The following ERBIN variants were observed in gnomAD, a reference collection of about 807,000 sequenced individuals.
ERBIN encodes the protein densin-180-like protein.
Under a neutral mutation model 158.4 loss-of-function variants are expected in ERBIN, and 60 were observed. That is an observed-to-expected ratio of 0.38 (90% CI 0.31 to 0.47). ERBIN has a LOEUF of 0.47. ERBIN is among the 20% of genes least tolerant of loss of function. The probability of loss-of-function intolerance (pLI) is 0.99; values close to 1 mark genes in which losing one functional copy is unlikely to be tolerated. For missense variants in ERBIN, 1,610 were observed against 1,648.0 expected, an observed-to-expected ratio of 0.98 and a Z score of 0.40; for synonymous variants, 594 against 557.2, an observed-to-expected ratio of 1.07 and a Z score of -0.93.
intron 9 of ERBIN, among the ~76,000 whole-genome samples, 164 bp from the exon 10 acceptor site, chr5:66,024,142 T>C (rs1755993779): frequency 6.6e-6 from 1 of 152,224 alleles, no homozygotes; most frequent in Non-Finnish European, 1.5e-5. Context: ...CTTAGCTATA[T>C]TACTGAATAC....
At chr5:65,942,433 C>G (rs1745167618) in intron 1 of ERBIN, among the ~76,000 whole-genome samples, 1 of 152,172 alleles carries the variant, frequency 6.6e-6, no homozygotes, top group South Asian at 2.1e-4. Context: ...TGAGGAAATT[C>G]TGAGTTGATA....
chr5:66,080,123 A>G lies in ERBIN; in HGVS notation c.*1593A>G, dbSNP rs777524447. 2.0e-5 allele frequency: 3 copies of G among 152,472 alleles called. No individual in the cohort carries two copies. Among genetic ancestry groups the G allele is most frequent in the Non-Finnish European group, 4.4e-5 (3 of 67,998 alleles). The allele number at this position is 152,472 out of a possible 1,614,324, so 9.4% of individuals were successfully genotyped here. A position where few individuals can be genotyped will look rare whatever the true frequency, so the allele number is the denominator to read the frequency against. ...ATTTTTAATCTGTTATGCTTTGTTT[A>G]TCAACCTTGATTTTAATTAAGACTT... is the stretch of plus-strand genomic sequence containing the variant. On this transcript the variant is annotated 3_prime_UTR_variant, in exon 26 of 26. Transcript: ENST00000284037.
intron 4 of ERBIN, among the ~76,000 whole-genome samples, chr5:65,995,263 A>C (rs1472285510): frequency 1.3e-5 from 2 of 152,096 alleles, no homozygotes; most frequent in Non-Finnish European, 2.9e-5. Flanking sequence ...CCCTTTGAAC[A>C]ACATATTCCA....
chr5:65,973,724 G>C (rs1188927531), intron 1 of ERBIN, among the ~76,000 whole-genome samples: 1 of 151,318 alleles, frequency 6.6e-6, no homozygotes, highest in Non-Finnish European at 1.5e-5. Context: ...TCAGTAGTAA[G>C]GCAAAAGGCC....
intron 1 of ERBIN, among the ~76,000 whole-genome samples, chr5:65,961,952 A>AT (rs1429013006): frequency 1.3e-5 from 2 of 152,078 alleles, no homozygotes; most frequent in Non-Finnish European, 2.9e-5. Context: ...GTTGTCTGAC[A>AT]TTTTTTACCA....
chr5:66,077,415 A>T (rs1580563236), intron 25 of ERBIN, among the ~76,000 whole-genome samples: 1 of 152,006 alleles, frequency 6.6e-6, no homozygotes, highest in African/African-American at 2.4e-5. Context: ...TATAGCTCTC[A>T]TTTTCTACCC....
chr5:66,074,914 A>C (rs777274061), intron 22 of ERBIN, 110 bp from the exon 23 acceptor site: 2 of 886,344 alleles, frequency 2.3e-6, no homozygotes, highest in Non-Finnish European at 3.5e-6. Flanking sequence ...TGTTTGACTT[A>C]ATTAGAATGT....
intron 14 of ERBIN, among the ~76,000 whole-genome samples, chr5:66,036,099 G>A (rs911869842): frequency 1.3e-5 from 2 of 152,024 alleles, no homozygotes; most frequent in Non-Finnish European, 2.9e-5. Context: ...CTCTTAAAAA[G>A]AAAAGAAAAA....
chr5:65,987,037 G>A (rs1294022746), intron 1 of ERBIN, among the ~76,000 whole-genome samples: 2 of 152,262 alleles, frequency 1.3e-5, no homozygotes, highest in East Asian at 3.9e-4. Flanking sequence ...TAGAAAAATG[G>A]GAGAGTGGTG....
rs766772302 is a variant in ERBIN at position 66,021,410 on chromosome 5, C to T, written c.597+25C>T. ...GGTAAGTTCTCATCAGTCTCACTTT[C>T]CCTAAGTTCTTATATTTAATGAAGA... On this transcript the variant is annotated intron_variant, in intron 8 of 25. Coordinates refer to ENST00000284037, the MANE Select transcript of ERBIN (RefSeq NM_001253697.2). The T allele has an allele frequency of 2.7e-6, 4 of 1,484,164 alleles. No individual in the cohort carries two copies. The Admixed American group carries it at 7.5e-5, about 28-fold the overall frequency. 91.9% of individuals were successfully genotyped at this position (1,484,164 alleles called of 1,614,324 possible).
intron 14 of ERBIN, among the ~76,000 whole-genome samples, chr5:66,031,817 G>A (rs1482759062): frequency 6.6e-6 from 1 of 152,098 alleles, no homozygotes; most frequent in East Asian, 1.9e-4. Flanking sequence ...GGGCAACAGA[G>A]CAAGATTCTA....
chr5:66,011,324 A>G (rs548023590), intron 4 of ERBIN, among the ~76,000 whole-genome samples: 3 of 152,160 alleles, frequency 2.0e-5, no homozygotes, highest in Non-Finnish European at 2.9e-5. Flanking sequence ...TTCCTCTTCT[A>G]TCTGCAGCTT....
chr5:65,934,419 CT>C (rs1168935841), intron 1 of ERBIN, among the ~76,000 whole-genome samples: 3 of 151,964 alleles, frequency 2.0e-5, no homozygotes, highest in Non-Finnish European at 4.4e-5. Context: ...GGAATAATTT[CT>C]TTCTCTTTTT....
In ERBIN at chr5:66,072,359, T is replaced by C. The variant is rs1288200614; in HGVS notation, c.3756+68T>C. 5.4e-6 allele frequency: 8 copies of C among 1,495,230 alleles called. No homozygotes were observed. In the East Asian group the frequency reaches 1.0e-4, roughly 19 times the overall value. 92.6% of individuals were successfully genotyped at this position (1,495,230 alleles called of 1,614,324 possible). A position where few individuals can be genotyped will look rare whatever the true frequency, so the allele number is the denominator to read the frequency against. ...TATATTTTGCAGCTTTTGGACTAGA[T>C]ATTATATGTGCTTTAGATGAAAATA... On this transcript the variant is annotated intron_variant, in intron 22 of 25. Transcript: ENST00000284037.
intron 4 of ERBIN, among the ~76,000 whole-genome samples, chr5:65,999,697 A>G (rs539501717): frequency 2.0e-5 from 3 of 152,332 alleles, no homozygotes; most frequent in South Asian, 2.1e-4. Context: ...TGAAGTGTTT[A>G]GATCAGTTGG....
At chr5:66,015,097 G>A (rs1006888465) in intron 7 of ERBIN, among the ~76,000 whole-genome samples, 3 of 152,160 alleles carry the variant, frequency 2.0e-5, no homozygotes, top group Non-Finnish European at 4.4e-5. Flanking sequence ...TTCATGTGAA[G>A]CCTGGTAACG....
chr5:66,015,830 T>C (rs1754656648), intron 7 of ERBIN, among the ~76,000 whole-genome samples: 1 of 152,136 alleles, frequency 6.6e-6, no homozygotes, highest in East Asian at 1.9e-4. Flanking sequence ...AGTGAGACCC[T>C]GGCTCAAAAC....
intron 4 of ERBIN, among the ~76,000 whole-genome samples, chr5:66,003,070 A>C (rs1181534180): frequency 7.9e-5 from 12 of 152,236 alleles, no homozygotes; most frequent in Admixed American, 6.5e-4. Flanking sequence ...TCCAAATCAT[A>C]CATGTGTTAT....
At chr5:66,050,064 T>G (rs1255614475) in intron 19 of ERBIN, among the ~76,000 whole-genome samples, 1 of 152,116 alleles carries the variant, frequency 6.6e-6, no homozygotes, top group East Asian at 1.9e-4. Context: ...TCCATATATG[T>G]ATGAAATAAT....
Sources: gnomAD v4.1 joint callset for allele counts (sites outside exome capture counted in the v4.1 genomes callset) on GRCh38, gnomAD v4.1.1 for gene constraint, MANE v1.5 for transcripts, NCBI Gene and HGNC (gene_info 2026-07-23, HGNC 2026-07-21) for gene names.